The following BACH2 variants were observed in gnomAD, a reference collection of about 807,000 sequenced individuals.
The protein encoded by BACH2 is BACH transcriptional regulator 2.
Under a neutral mutation model 61.8 loss-of-function variants are expected in BACH2, and 5 were observed. The observed-to-expected ratio is 0.08, with a 90% CI of 0.04 to 0.17. The LOEUF (loss-of-function observed/expected upper bound fraction) is 0.17, where lower values mean the gene tolerates loss of function less well. BACH2 is among the 10% of genes least tolerant of loss of function. BACH2 has a pLI of 1.00. For missense variants in BACH2, 824 were observed against 1,091.1 expected, an observed-to-expected ratio of 0.76 and a Z score of 3.45; for synonymous variants, 446 against 440.1, an observed-to-expected ratio of 1.01 and a Z score of -0.17.
At chr6:90,047,789 C>T (rs2127793437) in intron 5 of BACH2, among the ~76,000 whole-genome samples, 1 of 152,262 alleles carries the variant, frequency 6.6e-6, no homozygotes, top group Admixed American at 6.5e-5. Context: ...AAAACCAGAA[C>T]TTGGGTTGGC....
chr6:90,218,990 T>A (rs1769645011), intron 3 of BACH2, among the ~76,000 whole-genome samples: 1 of 148,820 alleles, frequency 6.7e-6, no homozygotes, highest in African/African-American at 2.5e-5. Context: ...CAAGAGAGAT[T>A]GAGAGAGTGA....
At chr6:90,047,656 T>A (rs770742103) in intron 5 of BACH2, among the ~76,000 whole-genome samples, 1 of 152,206 alleles carries the variant, frequency 6.6e-6, no homozygotes, top group Non-Finnish European at 1.5e-5. Flanking sequence ...AGTATTTATA[T>A]TCTGAGGGTG....
intron 5 of BACH2, among the ~76,000 whole-genome samples, chr6:90,027,330 C>A (rs2127786715): frequency 6.6e-6 from 1 of 152,268 alleles, no homozygotes; most frequent in Non-Finnish European, 1.5e-5. Context: ...ATTATTGTGA[C>A]CAAAAGGTAG....
intron 8 of BACH2, among the ~76,000 whole-genome samples, chr6:89,934,555 C>T (rs747701544): frequency 4.0e-5 from 6 of 151,854 alleles, no homozygotes; most frequent in Non-Finnish European, 5.9e-5. Flanking sequence ...GCTACTTAGG[C>T]GGCTGGGACA....
chr6:90,291,402 A>G (rs1243104506), intron 1 of BACH2, among the ~76,000 whole-genome samples: 2 of 152,138 alleles, frequency 1.3e-5, no homozygotes, highest in African/African-American at 4.8e-5. Flanking sequence ...TGGAAAAGAC[A>G]TAGTGGTAAG....
At chr6:90,057,046 C>T (rs907104757) in intron 5 of BACH2, among the ~76,000 whole-genome samples, 13 of 152,044 alleles carry the variant, frequency 8.6e-5, no homozygotes, top group East Asian at 1.9e-4. Context: ...GACACCCTAA[C>T]GTCACAATTA....
rs1015488561 is a variant in BACH2, at chr6:90,089,075, T to C, written c.-127A>G. ...TTCAGACATGGACCCCAAAGTTTTG[T>C]GGGGCAACCTTGTGACAGGTCAGTG... On this transcript the variant is annotated 5_prime_UTR_variant, in exon 5 of 9. Transcript: ENST00000257749. 1 of 152,260 alleles carries C rather than the reference T, an allele frequency of 6.6e-6. No individual in the cohort carries two copies. The highest frequency in any genetic ancestry group is 1.5e-5 in the Non-Finnish European group (1 of 68,044). 9.4% of individuals were successfully genotyped at this position (152,260 alleles called of 1,614,324 possible). A position where few individuals can be genotyped will look rare whatever the true frequency, so the allele number is the denominator to read the frequency against.
chr6:90,240,481 T>C (rs1348780910), intron 3 of BACH2, among the ~76,000 whole-genome samples: 1 of 152,224 alleles, frequency 6.6e-6, no homozygotes. Context: ...TCATTAAATA[T>C]CCTGCTATTG....
At chr6:89,971,318 A>G (rs916639001) in intron 6 of BACH2, among the ~76,000 whole-genome samples, 1 of 152,216 alleles carries the variant, frequency 6.6e-6, no homozygotes, top group Admixed American at 6.5e-5. Context: ...AGGAATTCAC[A>G]ATATGGGATG....
intron 6 of BACH2, among the ~76,000 whole-genome samples, chr6:89,985,483 C>G (rs1427318631): frequency 6.6e-6 from 1 of 152,132 alleles, no homozygotes; most frequent in Non-Finnish European, 1.5e-5. Flanking sequence ...AAGATTCTCA[C>G]ATTAACAATG....
At chr6:89,988,608 C>T (rs900675855) in intron 6 of BACH2, among the ~76,000 whole-genome samples, 5 of 152,098 alleles carry the variant, frequency 3.3e-5, no homozygotes, top group African/African-American at 1.2e-4. Context: ...GAAGATCTGA[C>T]TACAAGTAGA....
intron 4 of BACH2, among the ~76,000 whole-genome samples, chr6:90,195,044 C>G (rs999703666): frequency 2.0e-5 from 3 of 152,120 alleles, no homozygotes; most frequent in Non-Finnish European, 4.4e-5. Context: ...GGGAAAATCC[C>G]CAGCTCAGTT....
At chr6:90,296,169 T>C (rs576961061) in intron 1 of BACH2, among the ~76,000 whole-genome samples, 2 of 152,052 alleles carry the variant, frequency 1.3e-5, no homozygotes, top group Admixed American at 1.3e-4. Context: ...CTCCTCCCTC[T>C]GCTGTTCCAA....
At chr6:89,935,875 T>C (rs1397410107) in intron 8 of BACH2, among the ~76,000 whole-genome samples, 1 of 152,206 alleles carries the variant, frequency 6.6e-6, no homozygotes, top group Non-Finnish European at 1.5e-5. Flanking sequence ...TCACACCCAG[T>C]GGACTTAACT....
At chr6:89,941,884 C>G (rs1773454317) in intron 7 of BACH2, among the ~76,000 whole-genome samples, 1 of 152,128 alleles carries the variant, frequency 6.6e-6, no homozygotes, top group Admixed American at 6.5e-5. Context: ...ATCATCCAGA[C>G]AGTGAATATA....
chr6:90,038,252 C>T (rs1779359217), intron 5 of BACH2, among the ~76,000 whole-genome samples: 1 of 152,148 alleles, frequency 6.6e-6, no homozygotes. Context: ...TTCAAGTAGA[C>T]GCATTCATGT....
chr6:90,204,459 C>A (rs2127848812), intron 4 of BACH2, among the ~76,000 whole-genome samples: 1 of 152,250 alleles, frequency 6.6e-6, no homozygotes, highest in Admixed American at 6.5e-5. Context: ...GAAGGTGACA[C>A]ATCATGCTTA....
intron 4 of BACH2, among the ~76,000 whole-genome samples, chr6:90,097,528 C>T (rs1365767411): frequency 3.3e-5 from 5 of 152,152 alleles, no homozygotes; most frequent in Non-Finnish European, 7.4e-5. Flanking sequence ...ACACACTTTG[C>T]CCTACGACTT....
At position 89,932,598 on chromosome 6, in the gene BACH2, G is replaced by A; in HGVS notation, c.2336C>T (p.Pro779Leu). ...GGAGGTGTTGCTGGGTGCCCAGGGG[G>A]GTCCGGGGGGAGCCGCGCCTGGCTC... ...CLEPGAAPPG[P>L]PWAPSNTSEN... The change falls in exon 9 of 9, where the codon CCC becomes CTC. Residue 779 changes from proline (P) to leucine (L), a missense_variant. Pro to Leu is a moderately conservative substitution (Grantham distance 98, BLOSUM62 -3). Around this residue, in one of 8 missense-constraint regions of BACH2, gnomAD observed 135 missense variants for 142.7 expected, o/e 0.95. Transcript: ENST00000257749. The A allele has an allele frequency of 1.9e-6, 3 of 1,614,062 alleles. No homozygotes were observed. Among genetic ancestry groups the A allele is most frequent in the Non-Finnish European group, 2.5e-6 (3 of 1,179,992 alleles).
Sources: allele counts gnomAD v4.1 joint callset (sites outside exome capture counted in the v4.1 genomes callset), GRCh38; gene constraint gnomAD v4.1.1; regional missense constraint gnomAD v4.1.1; transcripts MANE v1.5; gene names NCBI Gene and HGNC (gene_info 2026-07-23, HGNC 2026-07-21).